SYNRG: variants seen among roughly 807,000 people sequenced by gnomAD.
SYNRG encodes AP1 gamma subunit binding protein 1.
In SYNRG, 37 loss-of-function variants were observed where a neutral mutation model predicts 130.9. The observed-to-expected ratio is 0.28, with a 90% CI of 0.22 to 0.37. SYNRG has a LOEUF of 0.37. SYNRG is among the 10% of genes least tolerant of loss of function. SYNRG has a pLI of 1.00. For synonymous variants in SYNRG, 539 were observed against 568.1 expected (o/e 0.95, Z 0.73); for missense variants, 1,338 against 1,588.9 (o/e 0.84, Z 2.68).
In SYNRG at chr17:37,609,367, C is replaced by A. The variant is rs769142303; in HGVS notation, c.-12G>T. 7.1e-7 allele frequency: 1 copy of A among 1,416,874 alleles called. No individual in the cohort carries two copies. Among genetic ancestry groups the A allele is most frequent in the Non-Finnish European group, 9.2e-7 (1 of 1,090,428 alleles). 87.8% of individuals were successfully genotyped at this position (1,416,874 alleles called of 1,614,324 possible). A position where few individuals can be genotyped will look rare whatever the true frequency, so the allele number is the denominator to read the frequency against. ...GGCCGCAGCGCCATCTTGCTCCCGA[C>A]CTGCCGCTGCCTTCGCCGCCGCCAC... On this transcript the variant is annotated 5_prime_UTR_variant, in exon 1 of 22. Transcript: ENST00000612223.
intron 19 of SYNRG, among the ~76,000 whole-genome samples, chr17:37,533,927 T>C: frequency 1.6e-5 from 1 of 63,716 alleles, no homozygotes; most frequent in South Asian, 5.3e-4. Flanking sequence ...TTTTCTTTTC[T>C]TTTTTTTTTT....
intron 14 of SYNRG, among the ~76,000 whole-genome samples, chr17:37,552,286 AAAAAC>A (rs1291909435): frequency 2.0e-5 from 3 of 152,328 alleles, no homozygotes; most frequent in Admixed American, 6.5e-5. Context: ...ATACATATCA[AAAAAC>A]AAAACAAAAG....
chr17:37,532,345 C>T (rs2056716474), intron 19 of SYNRG, among the ~76,000 whole-genome samples: 1 of 152,166 alleles, frequency 6.6e-6, no homozygotes, highest in Non-Finnish European at 1.5e-5. Flanking sequence ...TATTAGTATT[C>T]ATACAAACAG....
chr17:37,594,444 T>G (rs2062561042), intron 3 of SYNRG, among the ~76,000 whole-genome samples: 1 of 149,906 alleles, frequency 6.7e-6, no homozygotes, highest in Admixed American at 6.7e-5. Flanking sequence ...TTTTTAGTTA[T>G]TTGCTGCCTT....
intron 2 of SYNRG, among the ~76,000 whole-genome samples, chr17:37,599,014 C>T (rs1294043561): frequency 6.6e-6 from 1 of 152,166 alleles, no homozygotes; most frequent in Non-Finnish European, 1.5e-5. Flanking sequence ...TTACCTGAAA[C>T]CCAACCACCA....
chr17:37,609,168 G>T, intron 1 of SYNRG, 111 bp downstream of exon 1: 2 of 1,205,996 alleles, frequency 1.7e-6, no homozygotes, highest in Non-Finnish European at 2.1e-6. Flanking sequence ...TCCTCCCGCA[G>T]CCCAGTTCCA....
At chr17:37,566,224 CG>C (rs2059980462) in intron 11 of SYNRG, among the ~76,000 whole-genome samples, 1 of 151,980 alleles carries the variant, frequency 6.6e-6, no homozygotes, top group South Asian at 2.1e-4. Context: ...ATTGAGAAAT[CG>C]GATGGTTGCC....
At chr17:37,555,315 C>G (rs1465821613) in intron 13 of SYNRG, among the ~76,000 whole-genome samples, 1 of 152,056 alleles carries the variant, frequency 6.6e-6, no homozygotes, top group Admixed American at 6.5e-5. Context: ...TTAGTAGAGA[C>G]GGGGTTTCAC....
At chr17:37,597,702 G>C (rs186893697) in intron 2 of SYNRG, among the ~76,000 whole-genome samples, 1 of 152,290 alleles carries the variant, frequency 6.6e-6, no homozygotes, top group Admixed American at 6.5e-5. Flanking sequence ...CAAGAGCAGA[G>C]GTGAATGAAT....
chr17:37,553,653 G>A lies in SYNRG; in HGVS notation c.2070C>T (p.Asp690=), dbSNP rs1488032281. ...SGLAPVGEQD[D]FADFMAFSNS... is the part of the protein sequence containing the mutation. The stretch of plus-strand genomic sequence containing the variant: ...TACTGAAAGCCATAAAATCTGCAAA[G>A]TCATCCTGCTCCCCAACAGGTGCTA... The change falls in exon 14 of 22, where the codon GAC becomes GAT. Residue 690 remains aspartate, a synonymous_variant. Transcript: ENST00000612223. The A allele has an allele frequency of 1.9e-6, 3 of 1,613,980 alleles. No homozygotes were observed. The highest frequency in any genetic ancestry group is 2.5e-6 in the Non-Finnish European group (3 of 1,179,986).
Position 37,570,997 on chromosome 17 carries a change from A to G in SYNRG, c.1099-112T>C, listed in dbSNP as rs2060391474. On this transcript the variant is annotated intron_variant, in intron 9 of 21. Coordinates refer to ENST00000612223, the MANE Select transcript of SYNRG (RefSeq NM_007247.6). ...GTAGCCTTTGCATGTTTCCACTCCA[A>G]CTCTCAAAACTCATGAATTTGATTT... is the stretch of plus-strand genomic sequence containing the variant. The G allele has an allele frequency of 7.6e-6, 10 of 1,324,266 alleles. No homozygotes were observed. The East Asian group carries it at 2.4e-4, about 31-fold the overall frequency. The allele number at this position is 1,324,266 out of a possible 1,614,324, so 82.0% of individuals were successfully genotyped here. A position where few individuals can be genotyped will look rare whatever the true frequency, so the allele number is the denominator to read the frequency against.
At position 37,571,902 on chromosome 17, in the gene SYNRG, C is replaced by T. The variant is rs1235092759; in HGVS notation, c.987G>A (p.Gly329=). The T allele has an allele frequency of 6.2e-7, 1 of 1,614,142 alleles. No homozygotes were observed. The highest frequency in any genetic ancestry group is 8.5e-7 in the Non-Finnish European group (1 of 1,180,010). ...TCTGTCCAAGAGTTTCCCTGGGAAG[C>T]CCAGATGACATCAGAATGGGATACA... ...AKLYPILMSS[G]LPRETLGQIW... is the part of the protein sequence containing the mutation. Residue 329 remains glycine, a synonymous_variant, in exon 9 of 22, where the codon GGG becomes GGA. Coordinates refer to ENST00000612223, the MANE Select transcript of SYNRG (RefSeq NM_007247.6).
Position 37,540,418 on chromosome 17 carries a change from T to C in SYNRG, c.3328A>G (p.Ile1110Val). The C allele has an allele frequency of 1.9e-6, 3 of 1,613,914 alleles. No homozygotes were observed. Among genetic ancestry groups the C allele is most frequent in the Non-Finnish European group, 2.5e-6 (3 of 1,179,898 alleles). Reference protein sequence around the residue: ...TLNEKPALPVIRDKYKDLTGE... With the variant: ...TLNEKPALPVVRDKYKDLTGE... Reference sequence around the variant, plus strand: ...GTCAGGTCTTTGTACTTGTCTCGGATGACGGGCAGGGCGGGCTTCTCATTC... The same window carrying C: ...GTCAGGTCTTTGTACTTGTCTCGGACGACGGGCAGGGCGGGCTTCTCATTC... The change falls in exon 16 of 22, where the codon ATC becomes GTC. Residue 1110 changes from isoleucine (I) to valine (V), a missense_variant. Coordinates refer to ENST00000612223, the MANE Select transcript of SYNRG (RefSeq NM_007247.6).
intron 19 of SYNRG, among the ~76,000 whole-genome samples, chr17:37,535,306 G>A (rs2057084041): frequency 6.6e-6 from 1 of 152,144 alleles, no homozygotes; most frequent in Non-Finnish European, 1.5e-5. Context: ...ATAATTGCAT[G>A]CTTGTTAAAT....
chr17:37,609,243 A>G (rs1334836020), intron 1 of SYNRG, 36 bp downstream of exon 1: 5 of 1,398,538 alleles, frequency 3.6e-6, no homozygotes, highest in Non-Finnish European at 3.7e-6. Flanking sequence ...GCCCCCGCGG[A>G]GGCCAGCGGG....
At chr17:37,550,808 A>C (rs1477775007) in intron 14 of SYNRG, among the ~76,000 whole-genome samples, 1 of 152,204 alleles carries the variant, frequency 6.6e-6, no homozygotes, top group Non-Finnish European at 1.5e-5. Flanking sequence ...CCCTTTGAAA[A>C]TGTCACAGAT....
In SYNRG at chr17:37,570,767, G is replaced by A. The variant is rs777605656; in HGVS notation, c.1217C>T (p.Pro406Leu). The A allele has an allele frequency of 3.1e-6, 5 of 1,614,210 alleles. No individual in the cohort carries two copies. Among genetic ancestry groups the A allele is most frequent in the Non-Finnish European group, 4.2e-6 (5 of 1,180,044 alleles). ...GGGCATGGAGCCCGCAGGACCTGAA[G>A]GTATCACAGTTGGCTGACTCACCGG... ...PTPVSQPTVI[P>L]SGPAGSMPLS... The change falls in exon 10 of 22, where the codon CCT (proline) becomes CTT (leucine). Residue 406 changes from proline to leucine, a missense_variant. Around this residue, in one of 3 missense-constraint regions of SYNRG, gnomAD observed 1,146 missense variants for 1,342.3 expected, o/e 0.85. Transcript: ENST00000612223.
chr17:37,545,885 G>A (rs931381010), intron 14 of SYNRG, among the ~76,000 whole-genome samples: 1 of 152,198 alleles, frequency 6.6e-6, no homozygotes, highest in African/African-American at 2.4e-5. Flanking sequence ...TTGAACACCA[G>A]TACTGATGGT....
At chr17:37,575,196 T>C (rs948292685) in intron 8 of SYNRG, among the ~76,000 whole-genome samples, 9 of 151,960 alleles carry the variant, frequency 5.9e-5, no homozygotes, top group Admixed American at 2.0e-4. Flanking sequence ...TTAGTGGGCA[T>C]AAAAATATAG....
Sources: allele counts gnomAD v4.1 joint callset (sites outside exome capture counted in the v4.1 genomes callset), GRCh38; gene constraint gnomAD v4.1.1; regional missense constraint gnomAD v4.1.1; transcripts MANE v1.5; gene names NCBI Gene and HGNC (gene_info 2026-07-23, HGNC 2026-07-21).